SCAPER: variants seen among roughly 807,000 people sequenced by gnomAD.
The protein encoded by SCAPER is S-phase cyclin A associated protein in the ER, also known as S phase cyclin A-associated protein in the endoplasmic reticulum.
SCAPER carries 98 observed loss-of-function variants against 182.2 expected under a neutral mutation model. That is an observed-to-expected ratio of 0.54 (90% CI 0.46 to 0.64). SCAPER has a LOEUF of 0.64. SCAPER is among the 30% of genes least tolerant of loss of function. The pLI is 0.00. For missense variants in SCAPER, 1,432 were observed against 1,690.0 expected (o/e 0.85, Z 2.68); for synonymous variants, 605 against 564.6 (o/e 1.07, Z -1.01).
chr15:76,442,529 G>C (rs891071325), intron 25 of SCAPER, among the ~76,000 whole-genome samples: 35 of 152,180 alleles, frequency 2.3e-4, no homozygotes, highest in Admixed American at 2.2e-3. Flanking sequence ...TGACTTGTGA[G>C]TATCCAGTTC....
intron 21 of SCAPER, among the ~76,000 whole-genome samples, chr15:76,644,705 G>A (rs2146430639): frequency 6.6e-6 from 1 of 152,142 alleles, no homozygotes; most frequent in Admixed American, 6.5e-5. Flanking sequence ...ATAGGCATCT[G>A]AGCACAGTCC....
intron 23 of SCAPER, among the ~76,000 whole-genome samples, chr15:76,529,448 G>C (rs2043454033): frequency 6.6e-6 from 1 of 152,208 alleles, no homozygotes; most frequent in Admixed American, 6.5e-5. Context: ...GGGGAAGAAA[G>C]TCATTAGCAA....
chr15:76,620,819 T>C (rs766677933), intron 22 of SCAPER, among the ~76,000 whole-genome samples: 3 of 151,582 alleles, frequency 2.0e-5, no homozygotes, highest in Admixed American at 6.6e-5. Context: ...CACATAAACT[T>C]AGGGAGGGGA....
At position 76,841,854 on chromosome 15, in the gene SCAPER, C is replaced by T; in HGVS notation, c.273G>A (p.Arg91=). Residue 91 remains arginine, a synonymous_variant, in exon 5 of 32, where the codon AGG becomes AGA. Coordinates refer to ENST00000563290, the MANE Select transcript of SCAPER (RefSeq NM_020843.4). ...KHFDKSPTKT[R]HPRKIDLRAR... is the part of the protein sequence containing the mutation. ...CTCTTAGATCAATTTTCCGAGGGTG[C>T]CTTGTTTTAGTGGGACTTTTATCAA... 2.5e-6 allele frequency: 4 copies of T among 1,613,858 alleles called. No individual in the cohort carries two copies. Among genetic ancestry groups the T allele is most frequent in the Non-Finnish European group, 3.4e-6 (4 of 1,179,858 alleles).
intron 4 of SCAPER, among the ~76,000 whole-genome samples, chr15:76,849,754 T>C (rs1305919077): frequency 1.3e-5 from 2 of 152,214 alleles, no homozygotes; most frequent in African/African-American, 2.4e-5. Context: ...GCTGTGTTAG[T>C]CCGTTCTCAC....
At chr15:76,621,650 G>T in intron 22 of SCAPER, 114 bp downstream of exon 22, 1 of 877,712 alleles carries the variant, frequency 1.1e-6, no homozygotes, top group Non-Finnish European at 1.8e-6. Context: ...AGAGAATGCT[G>T]TTCTAGAAAT....
At chr15:76,885,175 A>C (rs901461094) in intron 1 of SCAPER, among the ~76,000 whole-genome samples, 1 of 152,234 alleles carries the variant, frequency 6.6e-6, no homozygotes, top group Non-Finnish European at 1.5e-5. Flanking sequence ...ATCATTTATC[A>C]GTAAAGCTAT....
intron 5 of SCAPER, among the ~76,000 whole-genome samples, chr15:76,805,246 T>C (rs1719511166): frequency 6.6e-6 from 1 of 152,174 alleles, no homozygotes; most frequent in South Asian, 2.1e-4. Context: ...TATCCAGGTT[T>C]TTCTGTGAAC....
intron 25 of SCAPER, among the ~76,000 whole-genome samples, chr15:76,446,360 A>T (rs991013808): frequency 6.6e-6 from 1 of 152,210 alleles, no homozygotes; most frequent in African/African-American, 2.4e-5. Flanking sequence ...GCAACAAGTG[A>T]TCATGATTAG....
At chr15:76,726,124 A>AATATATATATATATAT (rs765875424) in intron 17 of SCAPER, among the ~76,000 whole-genome samples, 2 of 15,348 alleles carry the variant, frequency 1.3e-4, no homozygotes, top group African/African-American at 2.9e-4. Context: ...TAATGTCTAG[A>AATATATATATATATAT]ATATATATAT....
chr15:76,611,525 C>T (rs1196946381), intron 22 of SCAPER, among the ~76,000 whole-genome samples: 1 of 152,138 alleles, frequency 6.6e-6, no homozygotes, highest in Non-Finnish European at 1.5e-5. Context: ...ACTATTCCTA[C>T]TGCAACTATT....
At chr15:76,774,784 A>G in intron 9 of SCAPER, 71 bp downstream of exon 9, 1 of 1,451,058 alleles carries the variant, frequency 6.9e-7, no homozygotes, top group Non-Finnish European at 9.2e-7. Flanking sequence ...GTACAAAACT[A>G]AGACATTCCA....
chr15:76,744,617 A>T (rs1265753401), intron 15 of SCAPER, among the ~76,000 whole-genome samples: 2 of 152,198 alleles, frequency 1.3e-5, no homozygotes, highest in African/African-American at 4.8e-5. Flanking sequence ...GCTATTATTA[A>T]AAAGTTAAAA....
At chr15:76,504,662 T>C (rs1316421251) in intron 24 of SCAPER, among the ~76,000 whole-genome samples, 197 bp downstream of exon 24, 1 of 152,202 alleles carries the variant, frequency 6.6e-6, no homozygotes, top group Non-Finnish European at 1.5e-5. Flanking sequence ...ATTTCCTTTA[T>C]AAGGCTTTTT....
chr15:76,685,565 T>C (rs1326150143), intron 20 of SCAPER, among the ~76,000 whole-genome samples: 1 of 152,080 alleles, frequency 6.6e-6, no homozygotes, highest in East Asian at 1.9e-4. Flanking sequence ...GTAACGAATA[T>C]TCTTAAAGGC....
intron 24 of SCAPER, chr15:76,472,409 A>G (rs1048661542): frequency 6.2e-5 from 39 of 630,974 alleles, no homozygotes; most frequent in Admixed American, 1.4e-4. Context: ...TGGTGACTGT[A>G]TAGTTTGAAA....
rs774672151 is a variant in SCAPER, at chr15:76,357,188, A to ACACACACACACC, written c.3856-3049_3856-3048insGGTGTGTGTGTG. ...CACACACACACACACACACACACACACCCCTATGGCCACTCACCTACCTCG... is the reference window on the plus strand; with the variant it reads ...CACACACACACACACACACACACACACACACACACACCCCCCTATGGCCACTCACCTACCTCG... On this transcript the variant is annotated intron_variant, in intron 29 of 31. Transcript: ENST00000563290. Among the ~76,000 whole-genome samples the ACACACACACACC allele has an allele frequency of 4.4e-3, 651 of 149,112 alleles. 1 individual carries two copies. Among genetic ancestry groups the ACACACACACACC allele is most frequent in the Non-Finnish European group, 7.3e-3 (491 of 67,188 alleles).
chr15:76,542,623 G>T (rs949172581), intron 23 of SCAPER, among the ~76,000 whole-genome samples: 3 of 151,732 alleles, frequency 2.0e-5, no homozygotes, highest in Non-Finnish European at 2.9e-5. Context: ...GGGATAAGAT[G>T]ATTTTACAAC....
chr15:76,501,529 C>T (rs1403431850), intron 24 of SCAPER, among the ~76,000 whole-genome samples: 1 of 152,168 alleles, frequency 6.6e-6, no homozygotes, highest in African/African-American at 2.4e-5. Context: ...GCTTCAGAAG[C>T]AGTGACACGT....
Sources: gnomAD v4.1 joint callset for allele counts (sites outside exome capture counted in the v4.1 genomes callset) on GRCh38, gnomAD v4.1.1 for gene constraint, MANE v1.5 for transcripts, NCBI Gene and HGNC (gene_info 2026-07-23, HGNC 2026-07-21) for gene names.